The following PGR variants were observed in gnomAD, a reference collection of about 807,000 sequenced individuals.
PGR encodes nuclear receptor subfamily 3 group C member 3.
A neutral mutation model predicts 76.1 loss-of-function variants in PGR; 25 were observed. The ratio of observed to expected loss-of-function variants is 0.33; its 90% CI spans 0.24 to 0.46. PGR has a LOEUF of 0.46. Ranked by LOEUF, PGR falls within the 20% of genes least tolerant of loss-of-function variation. The pLI is 1.00. For synonymous variants in PGR, 579 were observed against 535.0 expected (o/e 1.08, Z -1.14); for missense variants, 1,172 against 1,225.3 (o/e 0.96, Z 0.65).
At chr11:101,125,572 T>C (rs981362204) in intron 2 of PGR, among the ~76,000 whole-genome samples, 6 of 152,198 alleles carry the variant, frequency 3.9e-5, no homozygotes, top group Non-Finnish European at 7.4e-5. Context: ...GTGATATATG[T>C]TCGTGTATGT....
Position 101,030,802 on chromosome 11 carries a change from G to T in PGR, c.*8314C>A, listed in dbSNP as rs1859327035. The T allele has an allele frequency of 5.0e-6, 1 of 198,158 alleles. No individual in the cohort carries two copies. Among genetic ancestry groups the T allele is most frequent in the Non-Finnish European group, 1.0e-5 (1 of 95,646 alleles). 12.3% of individuals were successfully genotyped at this position (198,158 alleles called of 1,614,324 possible). A position where few individuals can be genotyped will look rare whatever the true frequency, so the allele number is the denominator to read the frequency against. The stretch of plus-strand genomic sequence containing the variant: ...GGACTTAAGCATCAAAAGCTACTAG[G>T]ACTAGATGAGAACTCATTCTAAAAC... On this transcript the variant is annotated 3_prime_UTR_variant, in exon 8 of 8. Transcript: ENST00000325455.
At chr11:101,087,728 T>C (rs471305) in intron 3 of PGR, among the ~76,000 whole-genome samples, 2,451 of 141,260 alleles carry the variant, frequency 0.017, 48 homozygotes, top group Middle Eastern at 0.049. Flanking sequence ...ACTTAAACAG[T>C]TGAACAAGCA....
In PGR at chr11:101,036,395, C is replaced by A. The variant is rs891899887; in HGVS notation, c.*2721G>T. On this transcript the variant is annotated 3_prime_UTR_variant, in exon 8 of 8. Transcript: ENST00000325455. ...TCAAATGGCTTTTCAAACCTTTTTA[C>A]AGAAAATATTTTCATTAACTCAAGA... is the stretch of plus-strand genomic sequence containing the variant. 4.9e-6 allele frequency: 1 copy of A among 204,682 alleles called. No individual in the cohort carries two copies. Among genetic ancestry groups the A allele is most frequent in the Non-Finnish European group, 1.0e-5 (1 of 100,066 alleles). The allele number at this position is 204,682 out of a possible 1,614,324, so 12.7% of individuals were successfully genotyped here. A position where few individuals can be genotyped will look rare whatever the true frequency, so the allele number is the denominator to read the frequency against.
At chr11:101,050,108 A>C in intron 5 of PGR, 49 bp from the exon 6 acceptor site, 1 of 1,596,794 alleles carries the variant, frequency 6.3e-7, no homozygotes. Context: ...GAAAAAAAAT[A>C]GTGTCTCAGC....
At chr11:101,083,893 G>A (rs531055675) in intron 3 of PGR, among the ~76,000 whole-genome samples, 2 of 152,284 alleles carry the variant, frequency 1.3e-5, no homozygotes, top group African/African-American at 4.8e-5. Context: ...TTAAGACTTT[G>A]GGGGACTGTT....
chr11:101,115,727 C>T (rs1387716771), intron 2 of PGR, among the ~76,000 whole-genome samples: 1 of 151,880 alleles, frequency 6.6e-6, no homozygotes, highest in Non-Finnish European at 1.5e-5. Context: ...TGAGATTGTG[C>T]CACTGCACTT....
At chr11:101,060,320 G>A (rs577792734) in intron 4 of PGR, among the ~76,000 whole-genome samples, 12 of 152,188 alleles carry the variant, frequency 7.9e-5, no homozygotes, top group African/African-American at 2.4e-4. Flanking sequence ...GTGAATGAAC[G>A]AAATAAATTT....
At chr11:101,077,999 T>C (rs1861180278) in intron 3 of PGR, among the ~76,000 whole-genome samples, 1 of 152,220 alleles carries the variant, frequency 6.6e-6, no homozygotes, top group Non-Finnish European at 1.5e-5. Flanking sequence ...GACTCTGTAC[T>C]TCTAGAAAAG....
Position 101,128,269 on chromosome 11 carries a change from C to T in PGR, c.802G>A (p.Val268Ile), listed in dbSNP as rs1862951400. ...PGAAAGGVAL[V>I]PKEDSRFSAP... Reference sequence around the variant, plus strand: ...GAGAAGCGGGAATCTTCCTTGGGGACCAGGGCGACGCCTCCTGCTGCCGCC... The same window carrying T: ...GAGAAGCGGGAATCTTCCTTGGGGATCAGGGCGACGCCTCCTGCTGCCGCC... The change falls in exon 1 of 8, where the codon GTC (valine) becomes ATC (isoleucine). Residue 268 changes from valine to isoleucine, a missense_variant. Physicochemically the swap from Val to Ile is conservative, Grantham distance 29. Coordinates refer to ENST00000325455, the MANE Select transcript of PGR (RefSeq NM_000926.4). 1 of 1,592,364 alleles carries T rather than the reference C, an allele frequency of 6.3e-7. No individual in the cohort carries two copies. The highest frequency in any genetic ancestry group is 8.5e-7 in the Non-Finnish European group (1 of 1,175,858).
At chr11:101,085,525 T>TAAAAAAAA (rs1212568882) in intron 3 of PGR, among the ~76,000 whole-genome samples, 56 of 42,274 alleles carry the variant, frequency 1.3e-3, no homozygotes, top group East Asian at 1.8e-3. Flanking sequence ...CTAGAGGAAC[T>TAAAAAAAA]AAAAAAAAAA....
chr11:101,086,323 A>G (rs1202138168), intron 3 of PGR, among the ~76,000 whole-genome samples: 1 of 152,196 alleles, frequency 6.6e-6, no homozygotes, highest in Admixed American at 6.5e-5. Flanking sequence ...CCACATGAGA[A>G]GAATTAAAAA....
Position 101,031,885 on chromosome 11 carries a change from A to C in PGR, c.*7231T>G, listed in dbSNP as rs1859364295. Reference sequence around the variant, plus strand: ...GAATGTGTTTATTTTGTATGGGTTCAGCACAACTCAGTTCCTCTTTCTCAT... The same window carrying C: ...GAATGTGTTTATTTTGTATGGGTTCCGCACAACTCAGTTCCTCTTTCTCAT... On this transcript the variant is annotated 3_prime_UTR_variant, in exon 8 of 8. Coordinates refer to ENST00000325455, the MANE Select transcript of PGR (RefSeq NM_000926.4). 4.3e-6 allele frequency: 1 copy of C among 229,934 alleles called. No homozygotes were observed. The highest frequency in any genetic ancestry group is 1.8e-4 in the South Asian group (1 of 5,508). 14.2% of individuals were successfully genotyped at this position (229,934 alleles called of 1,614,324 possible).
At chr11:101,112,005 A>G (rs1862359730) in intron 2 of PGR, among the ~76,000 whole-genome samples, 1 of 152,196 alleles carries the variant, frequency 6.6e-6, no homozygotes, top group Admixed American at 6.5e-5. Context: ...GTGTCTTGAA[A>G]ACCAAGCGAA....
chr11:101,090,728 AT>A (rs777760758), intron 3 of PGR, among the ~76,000 whole-genome samples: 3 of 152,222 alleles, frequency 2.0e-5, no homozygotes, highest in African/African-American at 2.4e-5. Flanking sequence ...AGGAAAACAA[AT>A]CTTTAATCAA....
intron 2 of PGR, among the ~76,000 whole-genome samples, chr11:101,104,109 A>G (rs1006616129): frequency 1.3e-5 from 2 of 152,250 alleles, no homozygotes; most frequent in African/African-American, 4.8e-5. Flanking sequence ...ATGTGCCAAC[A>G]TTGTTCTAGG....
chr11:101,098,815 C>A (rs1191812429), intron 2 of PGR, among the ~76,000 whole-genome samples: 5 of 152,214 alleles, frequency 3.3e-5, no homozygotes, highest in Non-Finnish European at 7.3e-5. Context: ...CCTTAAAAGA[C>A]TGCCTTAGCA....
intron 4 of PGR, among the ~76,000 whole-genome samples, chr11:101,056,325 T>G (rs1354133611): frequency 2.6e-5 from 4 of 152,050 alleles, no homozygotes; most frequent in African/African-American, 9.7e-5. Flanking sequence ...CTTAAAGAAT[T>G]AACAGAAAGT....
chr11:101,086,037 C>T (rs569925658), intron 3 of PGR, among the ~76,000 whole-genome samples: 57 of 152,270 alleles, frequency 3.7e-4, no homozygotes, highest in African/African-American at 1.3e-3. Context: ...GAGCTGGTAC[C>T]AATTCTACTG....
intron 6 of PGR, among the ~76,000 whole-genome samples, chr11:101,043,247 C>T (rs1053324689): frequency 6.6e-6 from 1 of 152,190 alleles, no homozygotes; most frequent in African/African-American, 2.4e-5. Flanking sequence ...ATAGCATCTT[C>T]ACTAGAAGTA....
Sources: allele counts gnomAD v4.1 joint callset (sites outside exome capture counted in the v4.1 genomes callset), GRCh38; gene constraint gnomAD v4.1.1; transcripts MANE v1.5; gene names NCBI Gene and HGNC (gene_info 2026-07-23, HGNC 2026-07-21).